The following MTMR8 variants were observed in gnomAD, a reference collection of about 807,000 sequenced individuals.
MTMR8 encodes phosphatidylinositol-3,5-bisphosphate 3-phosphatase MTMR8.
In MTMR8, 65 loss-of-function variants were observed where a neutral mutation model predicts 39.3. That is an observed-to-expected ratio of 1.65 (90% CI 1.35 to 2.03). MTMR8 has a LOEUF of 2.03. Ranked by LOEUF, MTMR8 falls within the 30% of genes most tolerant of loss-of-function variation. The pLI, the probability that MTMR8 is intolerant of heterozygous loss-of-function variation, is 0.00. For synonymous variants in MTMR8, 245 were observed against 185.2 expected (o/e 1.32, Z -2.62); for missense variants, 777 against 538.9 (o/e 1.44, Z -4.37).
chrX:64,314,423 A>G (rs1037767038), intron 12 of MTMR8, among the ~76,000 whole-genome samples: 2 of 112,119 alleles, frequency 1.8e-5, no homozygotes, highest in African/African-American at 6.5e-5. Flanking sequence ...TGGTCCTGCT[A>G]GTGGTGTTAG....
At chrX:64,350,606 G>T (rs1332821765) in intron 4 of MTMR8, among the ~76,000 whole-genome samples, 1 of 111,083 alleles carries the variant, frequency 9.0e-6, no homozygotes, top group Non-Finnish European at 1.9e-5. Flanking sequence ...GCTAGCTAAT[G>T]CTTGAGTGAT....
At chrX:64,392,363 A>C (rs1157654387) in intron 1 of MTMR8, among the ~76,000 whole-genome samples, 3 of 112,682 alleles carry the variant, frequency 2.7e-5, no homozygotes, top group African/African-American at 9.7e-5. Flanking sequence ...TATAGCAATG[A>C]GAATGATCTA....
intron 12 of MTMR8, among the ~76,000 whole-genome samples, chrX:64,290,752 C>A (rs1275878906): frequency 8.9e-6 from 1 of 111,986 alleles, no homozygotes. Flanking sequence ...TGGCATTTTT[C>A]ACTTAACATA....
At chrX:64,288,997 C>T (rs1921303854) in intron 12 of MTMR8, among the ~76,000 whole-genome samples, 1 of 109,329 alleles carries the variant, frequency 9.1e-6, no homozygotes, top group Non-Finnish European at 1.9e-5. Context: ...TGCACATGTA[C>T]CCTAGAATTT....
Position 64,352,883 on chromosome X carries a change from A to AAT in MTMR8, c.468+1892_468+1893dup, listed in dbSNP as rs199915117. On this transcript the variant is annotated intron_variant, in intron 4 of 13. Coordinates refer to ENST00000374852, the MANE Select transcript of MTMR8 (RefSeq NM_017677.4). ...ATAACAGTTATCCTTCTAAAACACA[A>AAT]ATATATATATATATGTTCCTTTCAA... Among the ~76,000 whole-genome samples, 776 of 110,058 alleles carry AAT rather than the reference A, an allele frequency of 7.1e-3. 14 individuals carry two copies. The East Asian group carries it at 0.086, about 12-fold the overall frequency.
intron 6 of MTMR8, among the ~76,000 whole-genome samples, chrX:64,345,763 C>A (rs531877323): frequency 1.2e-3 from 129 of 111,458 alleles, no homozygotes; most frequent in Non-Finnish European, 2.1e-3. Context: ...CAGGCACGTA[C>A]CACCATGCCT....
Position 64,346,163 on chromosome X carries a change from A to T in MTMR8, c.733-986T>A, listed in dbSNP as rs757714532. Among the ~76,000 whole-genome samples, 5 of 111,605 alleles carry T rather than the reference A, an allele frequency of 4.5e-5. No homozygotes were observed. The East Asian group carries it at 1.4e-3, about 32-fold the overall frequency. On this transcript the variant is annotated intron_variant, in intron 6 of 13. Transcript: ENST00000374852. ...CAAGATACTGTCTACGATAATGACC[A>T]TCTTACTAATTAAGTGATTTTCTGT...
rs187400374 is a variant in MTMR8 at position 64,272,090 on chromosome X, G to A, written c.1482-1017C>T. On this transcript the variant is annotated intron_variant, in intron 12 of 13. Coordinates refer to ENST00000374852, the MANE Select transcript of MTMR8 (RefSeq NM_017677.4). The stretch of plus-strand genomic sequence containing the variant: ...GGCCCACAGAAGCTCTGGCTTGGTT[G>A]GCTGGTGAATGTCTTCTCCTGTACA... Among the ~76,000 whole-genome samples the A allele has an allele frequency of 1.3e-4, 15 of 111,859 alleles. No homozygotes were observed. The East Asian group carries it at 4.2e-3, about 32-fold the overall frequency.
chrX:64,349,708 G>T (rs769213269), intron 5 of MTMR8, among the ~76,000 whole-genome samples: 10 of 111,668 alleles, frequency 9.0e-5, no homozygotes, highest in Admixed American at 1.9e-4. Context: ...AAAAGAAAAA[G>T]AAATAAACAT....
At position 64,322,048 on chromosome X, in the gene MTMR8, G is replaced by GTT. The variant is rs780391627; in HGVS notation, c.1481+6722_1481+6723dup. On this transcript the variant is annotated intron_variant, in intron 12 of 13. Coordinates refer to ENST00000374852, the MANE Select transcript of MTMR8 (RefSeq NM_017677.4). ...TCGAATTCTGTTTGTTAGTATTTTTGTTTTTTTTTTTTTGAGGCAGGGTCT... is the reference window on the plus strand; with the variant it reads ...TCGAATTCTGTTTGTTAGTATTTTTGTTTTTTTTTTTTTTTGAGGCAGGGTCT... Among the ~76,000 whole-genome samples the GTT allele has an allele frequency of 1.0e-4, 10 of 99,385 alleles. No homozygotes were observed. In the East Asian group the frequency reaches 1.6e-3, roughly 16 times the overall value. 86.3% of individuals were successfully genotyped at this position (99,385 alleles called of 115,157 possible). A position where few individuals can be genotyped will look rare whatever the true frequency, so the allele number is the denominator to read the frequency against.
Position 64,395,386 on chromosome X carries a change from A to C in MTMR8, c.-23T>G. ...CATGACTGCAGTTCCCGCCACCGGA[A>C]GATCTCAGTGCTACTCCAGATGCCG... On this transcript the variant is annotated 5_prime_UTR_variant, in exon 1 of 14. Transcript: ENST00000374852. The C allele has an allele frequency of 8.3e-7, 1 of 1,207,162 alleles. No individual in the cohort carries two copies. The highest frequency in any genetic ancestry group is 2.2e-5 in the Admixed American group (1 of 46,008).
chrX:64,298,206 A>G (rs2147197459), intron 12 of MTMR8, among the ~76,000 whole-genome samples: 1 of 103,062 alleles, frequency 9.7e-6, no homozygotes, highest in Admixed American at 1.1e-4. Flanking sequence ...GATTCTTCCT[A>G]CCCATGAGCG....
chrX:64,373,901 T>G (rs980079531), intron 1 of MTMR8, among the ~76,000 whole-genome samples: 1 of 111,624 alleles, frequency 9.0e-6, no homozygotes, highest in Non-Finnish European at 1.9e-5. Flanking sequence ...GGTACAGCAC[T>G]GGGCTCAAAG....
intron 5 of MTMR8, 137 bp from the exon 6 acceptor site, chrX:64,348,931 G>A (rs1602141831): frequency 1.5e-6 from 1 of 677,308 alleles, no homozygotes; most frequent in Non-Finnish European, 2.2e-6. Context: ...AGAGAAATGT[G>A]ACTCTAAAGT....
intron 12 of MTMR8, among the ~76,000 whole-genome samples, chrX:64,300,803 C>T (rs1371569097): frequency 9.4e-6 from 1 of 106,165 alleles, no homozygotes; most frequent in Non-Finnish European, 2.0e-5. Flanking sequence ...ATTTGCTTGT[C>T]TGTAAAGTAT....
chrX:64,375,186 C>A (rs1924237073), intron 1 of MTMR8, among the ~76,000 whole-genome samples: 1 of 109,640 alleles, frequency 9.1e-6, no homozygotes, highest in African/African-American at 3.3e-5. Flanking sequence ...CACAGCAAAA[C>A]CCCATCTCTA....
chrX:64,310,226 G>A (rs1190431043), intron 12 of MTMR8, among the ~76,000 whole-genome samples: 2 of 111,730 alleles, frequency 1.8e-5, no homozygotes, highest in East Asian at 5.6e-4. Flanking sequence ...ATCTTTACTA[G>A]GAGTAAATTC....
intron 12 of MTMR8, among the ~76,000 whole-genome samples, chrX:64,311,470 T>C (rs1360933143): frequency 4.5e-5 from 5 of 111,973 alleles, no homozygotes; most frequent in Non-Finnish European, 9.4e-5. Flanking sequence ...TGATAGTTTC[T>C]TTTGCCATGC....
At chrX:64,348,375 G>C (rs1275213582) in intron 6 of MTMR8, among the ~76,000 whole-genome samples, 1 of 111,485 alleles carries the variant, frequency 9.0e-6, no homozygotes, top group African/African-American at 3.3e-5. Context: ...TTAAGGAACA[G>C]ACTTGGTAAA....
Sources: gnomAD v4.1 joint callset for allele counts (sites outside exome capture counted in the v4.1 genomes callset) on GRCh38, gnomAD v4.1.1 for gene constraint, MANE v1.5 for transcripts, NCBI Gene and HGNC (gene_info 2026-07-23, HGNC 2026-07-21) for gene names.